EXOSC8: variants seen among roughly 807,000 people sequenced by gnomAD.
EXOSC8 encodes exosome complex component RRP43.
A neutral mutation model predicts 39.9 loss-of-function variants in EXOSC8; 37 were observed. The ratio of observed to expected loss-of-function variants is 0.93; its 90% CI spans 0.71 to 1.22. The LOEUF (loss-of-function observed/expected upper bound fraction) is 1.22, where lower values mean the gene tolerates loss of function less well. Ranked by LOEUF, EXOSC8 falls within the 50% of genes most tolerant of loss-of-function variation. The probability of loss-of-function intolerance (pLI) is 0.00; values close to 1 mark genes in which losing one functional copy is unlikely to be tolerated. For synonymous variants in EXOSC8, 93 were observed against 109.5 expected, an observed-to-expected ratio of 0.85 and a Z score of 0.94; for missense variants, 313 against 326.6, an observed-to-expected ratio of 0.96 and a Z score of 0.32.
chr13:37,008,199 T>A (rs529051683), intron 9 of EXOSC8, 22 bp downstream of exon 9: 1 of 1,571,128 alleles, frequency 6.4e-7, no homozygotes, highest in South Asian at 1.2e-5. Flanking sequence ...AAACTTACTT[T>A]AAAATTTTCT....
At chr13:37,003,052 CTTTA>C (rs750943753) in intron 4 of EXOSC8, 45 bp downstream of exon 4, 7 of 1,176,776 alleles carry the variant, frequency 5.9e-6, no homozygotes, top group African/African-American at 3.0e-5. Flanking sequence ...ACAAAGTTAG[CTTTA>C]TTTATTAGAT....
chr13:37,006,502 C>G (rs2059140096), intron 7 of EXOSC8, among the ~76,000 whole-genome samples: 1 of 152,030 alleles, frequency 6.6e-6, no homozygotes, highest in Admixed American at 6.6e-5. Flanking sequence ...TGAATCCACA[C>G]AGTAGATTCC....
rs769124036 is a variant in EXOSC8, at chr13:37,008,709, A to G, written c.609-20A>G. 6.1e-6 allele frequency: 9 copies of G among 1,467,630 alleles called. 1 individual carries two copies. Among genetic ancestry groups the G allele is most frequent in the South Asian group, 2.3e-5 (2 of 86,144 alleles). The allele number at this position is 1,467,630 out of a possible 1,614,324, so 90.9% of individuals were successfully genotyped here. A position where few individuals can be genotyped will look rare whatever the true frequency, so the allele number is the denominator to read the frequency against. The stretch of plus-strand genomic sequence containing the variant: ...AATTTGTTCCATGGATTGATAACTT[A>G]TATTTTTTTCTTTTTATAGCACTTT... On this transcript the variant is annotated intron_variant, in intron 9 of 10. Coordinates refer to ENST00000389704, the MANE Select transcript of EXOSC8 (RefSeq NM_181503.3).
chr13:37,008,216 A>G, intron 9 of EXOSC8, 39 bp downstream of exon 9: 1 of 1,510,146 alleles, frequency 6.6e-7, no homozygotes, highest in Non-Finnish European at 9.1e-7. Flanking sequence ...TTCTATATTT[A>G]AGATTAGGGT....
In EXOSC8 at chr13:37,003,014, C is replaced by T; in HGVS notation, c.192+7C>T. The T allele has an allele frequency of 3.3e-6, 5 of 1,512,610 alleles. No homozygotes were observed. In the African/African-American group the frequency reaches 4.1e-5, roughly 12 times the overall value. The allele number at this position is 1,512,610 out of a possible 1,614,324, so 93.7% of individuals were successfully genotyped here. ...AATCTGTGGAGTTAAAGCAGTAAGTCTAAATATGTCCTATTGAGATTTGAG... is the reference window on the plus strand; with the variant it reads ...AATCTGTGGAGTTAAAGCAGTAAGTTTAAATATGTCCTATTGAGATTTGAG... On this transcript the variant is annotated splice_region_variant and intron_variant, in intron 4 of 10. Transcript: ENST00000389704.
intron 5 of EXOSC8, among the ~76,000 whole-genome samples, chr13:37,005,070 G>A (rs890574205): frequency 3.3e-5 from 5 of 152,004 alleles, no homozygotes; most frequent in African/African-American, 1.2e-4. Context: ...CTATAATTGT[G>A]TCACTGCATT....
intron 8 of EXOSC8, among the ~76,000 whole-genome samples, chr13:37,007,324 G>T (rs1270783732): frequency 1.3e-5 from 2 of 152,184 alleles, no homozygotes; most frequent in Non-Finnish European, 2.9e-5. Context: ...GTGGGAGAAG[G>T]AGACAAGAGT....
In EXOSC8 at chr13:37,008,833, C is replaced by A; in HGVS notation, c.713C>A (p.Pro238Gln). The A allele has an allele frequency of 6.3e-7, 1 of 1,575,680 alleles. No individual in the cohort carries two copies. The highest frequency in any genetic ancestry group is 8.7e-7 in the Non-Finnish European group (1 of 1,151,808). The change falls in exon 10 of 11, where the codon CCA (proline) becomes CAA (glutamine). Residue 238 changes from proline (P) to glutamine (Q), a missense_variant and splice_region_variant. By Grantham distance (76) the Pro-to-Gln change is moderately conservative. Transcript: ENST00000389704. ...GGCAAACTCTGTTGTCTTCACAAAC[C>A]AGGCATGTTCCCGCCACTTCAGTCC... is the stretch of plus-strand genomic sequence containing the variant. ...EEGKLCCLHK[P>Q]GGSGLTGAKL...
intron 8 of EXOSC8, 136 bp downstream of exon 8, chr13:37,007,207 T>C (rs1339285403): frequency 3.0e-6 from 2 of 675,300 alleles, no homozygotes; most frequent in Non-Finnish European, 5.4e-6. Context: ...CCAAATATAG[T>C]TGATAGTTGT....
chr13:37,006,817 A>G (rs1364973748), intron 7 of EXOSC8, among the ~76,000 whole-genome samples, 158 bp from the exon 8 acceptor site: 2 of 152,244 alleles, frequency 1.3e-5, no homozygotes, highest in African/African-American at 4.8e-5. Context: ...GGTTTTCTAT[A>G]GAACTTTAAA....
chr13:37,008,653 G>A, intron 9 of EXOSC8, 76 bp from the exon 10 acceptor site: 1 of 891,766 alleles, frequency 1.1e-6, no homozygotes, highest in South Asian at 1.5e-5. Flanking sequence ...CTACTTGGGA[G>A]GCTGATAGTA....
intron 4 of EXOSC8, 94 bp from the exon 5 acceptor site, chr13:37,004,422 A>T (rs1270977598): frequency 1.5e-5 from 12 of 825,310 alleles, no homozygotes; most frequent in Non-Finnish European, 2.5e-5. Context: ...CCCTAAGCTG[A>T]TATTTGATAG....
Position 37,006,156 on chromosome 13 carries a change from G to T in EXOSC8, c.386G>T (p.Gly129Val). Reference sequence around the variant, plus strand: ...AAAGAGGACTTATGCATTTCTCCAGGAAAGGTAAGAGGAATAGAGAAGCTA... The same window carrying T: ...AAAGAGGACTTATGCATTTCTCCAGTAAAGGTAAGAGGAATAGAGAAGCTA... ...IQKEDLCISP[G>V]KLVWVLYCDL... Residue 129 changes from glycine to valine, a missense_variant, in exon 7 of 11, where the codon GGA becomes GTA. Gly to Val is a moderately radical substitution (Grantham distance 109). Coordinates refer to ENST00000389704, the MANE Select transcript of EXOSC8 (RefSeq NM_181503.3). The T allele has an allele frequency of 6.2e-7, 1 of 1,605,456 alleles. No homozygotes were observed. The highest frequency in any genetic ancestry group is 1.1e-5 in the South Asian group (1 of 90,680).
chr13:37,000,863 C>T (rs748991411), intron 1 of EXOSC8, 41 bp downstream of exon 1: 4 of 1,473,666 alleles, frequency 2.7e-6, no homozygotes, highest in East Asian at 5.5e-5. Flanking sequence ...TGTACCCTGG[C>T]GGACGGCAGC....
chr13:37,004,523 C>T lies in EXOSC8; in HGVS notation c.200C>T (p.Ala67Val), dbSNP rs765390835. ...TVICGVKAEF[A>V]APSTDAPDKG... The stretch of plus-strand genomic sequence containing the variant: ...ATTTCTTTGCTACTATAGGAATTTG[C>T]AGCACCATCAACAGATGCCCCTGAT... Residue 67 changes from alanine (A) to valine (V), a missense_variant, in exon 5 of 11, where the codon GCA (alanine) becomes GTA (valine). Coordinates refer to ENST00000389704, the MANE Select transcript of EXOSC8 (RefSeq NM_181503.3). The T allele has an allele frequency of 4.4e-6, 7 of 1,605,922 alleles. No individual in the cohort carries two copies. The African/African-American group carries it at 8.0e-5, about 18-fold the overall frequency.
rs768485487 is a variant in EXOSC8 at position 37,009,261 on chromosome 13, C to G, written c.793C>G (p.Leu265Val). 1 of 1,611,836 alleles carries G rather than the reference C, an allele frequency of 6.2e-7. No individual in the cohort carries two copies. The highest frequency in any genetic ancestry group is 8.5e-7 in the Non-Finnish European group (1 of 1,178,178). ...TACAAGACACAAAGAAGTTAAAAAA[C>G]TGATGGATGAAGTAATTAAGAGTAT... The part of the protein sequence containing the change: ...AVTRHKEVKK[L>V]MDEVIKSMKP... The change falls in exon 11 of 11, where the codon CTG becomes GTG. Residue 265 changes from leucine to valine, a missense_variant. By Grantham distance (32) the Leu-to-Val change is conservative. Transcript: ENST00000389704.
In EXOSC8 at chr13:37,009,382, C is replaced by A; in HGVS notation, c.*83C>A. ...CAAACGTTTTATACTAAATAAATAT[C>A]AAACTACATTCTTCTGAAAGATGTT... is the stretch of plus-strand genomic sequence containing the variant. On this transcript the variant is annotated 3_prime_UTR_variant, in exon 11 of 11. Coordinates refer to ENST00000389704, the MANE Select transcript of EXOSC8 (RefSeq NM_181503.3). 1 of 789,552 alleles carries A rather than the reference C, an allele frequency of 1.3e-6. No homozygotes were observed. Among genetic ancestry groups the A allele is most frequent in the Non-Finnish European group, 2.1e-6 (1 of 480,514 alleles). 48.9% of individuals were successfully genotyped at this position (789,552 alleles called of 1,614,324 possible).
At chr13:37,008,660 AGTAT>A in intron 9 of EXOSC8, 65 bp from the exon 10 acceptor site, 1 of 930,140 alleles carries the variant, frequency 1.1e-6, no homozygotes, top group Non-Finnish European at 1.7e-6. Flanking sequence ...GGAGGCTGAT[AGTAT>A]GTTTAGTATT....
chr13:37,002,678 T>C (rs1263984591), intron 3 of EXOSC8, 127 bp downstream of exon 3: 1 of 714,726 alleles, frequency 1.4e-6, no homozygotes, highest in East Asian at 2.6e-5. Context: ...CAAGAGATTT[T>C]TATCCGTACA....
Sources: allele counts gnomAD v4.1 joint callset (sites outside exome capture counted in the v4.1 genomes callset), GRCh38; gene constraint gnomAD v4.1.1; transcripts MANE v1.5; gene names NCBI Gene and HGNC (gene_info 2026-07-23, HGNC 2026-07-21).